The following TUBB1 variants were observed in gnomAD, a reference collection of about 807,000 sequenced individuals.
TUBB1 encodes tubulin beta 1 class VI.
A neutral mutation model predicts 22.6 loss-of-function variants in TUBB1; 28 were observed. The ratio of observed to expected loss-of-function variants is 1.24; its 90% CI spans 0.92 to 1.70. The LOEUF is 1.70. TUBB1 is among the 40% of genes most tolerant of loss of function. The pLI is 0.00. For missense variants in TUBB1, 577 were observed against 605.5 expected, an observed-to-expected ratio of 0.95 and a Z score of 0.49; for synonymous variants, 226 against 238.0, an observed-to-expected ratio of 0.95 and a Z score of 0.46.
intron 1 of TUBB1, among the ~76,000 whole-genome samples, chr20:59,022,253 T>G (rs576877194): frequency 6.7e-6 from 1 of 150,116 alleles, no homozygotes; most frequent in Admixed American, 6.7e-5. Flanking sequence ...GAGAATCGCT[T>G]GAACCCAGGA....
chr20:59,019,197 C>A (rs1356846503), upstream of TUBB1: 3 of 418,620 alleles, frequency 7.2e-6, no homozygotes, highest in East Asian at 1.5e-4. Context: ...GTGCCAGCCT[C>A]CAGGCCCTGT....
chr20:59,019,064 G>C (rs1423846965), upstream of TUBB1, among the ~76,000 whole-genome samples: 6 of 152,238 alleles, frequency 3.9e-5, no homozygotes, highest in Non-Finnish European at 8.8e-5. Context: ...GTCTGGAAAA[G>C]GGGCCGGGAA....
In TUBB1 at chr20:59,024,643, A is replaced by C. The variant is rs749303835; in HGVS notation, c.1216A>C (p.Asn406His). 4.3e-6 allele frequency: 7 copies of C among 1,614,046 alleles called. No individual in the cohort carries two copies. Among genetic ancestry groups the C allele is most frequent in the Non-Finnish European group, 5.9e-6 (7 of 1,180,036 alleles). Reference protein sequence around the residue: ...HWYTSEGMDINEFGEAENNIH... With the variant: ...HWYTSEGMDIHEFGEAENNIH... ...GTACACCAGCGAAGGGATGGACATA[A>C]ACGAATTTGGGGAAGCTGAAAATAA... The change falls in exon 4 of 4, where the codon AAC becomes CAC. Residue 406 changes from asparagine to histidine, a missense_variant. Coordinates refer to ENST00000217133, the MANE Select transcript of TUBB1 (RefSeq NM_030773.4). This position sits in a 1 kb window ranked among gnomAD's most constrained non-coding sequence, Gnocchi z 4.9.
intron 1 of TUBB1, among the ~76,000 whole-genome samples, chr20:59,021,093 A>T (rs1222379223): frequency 6.6e-6 from 1 of 152,220 alleles, no homozygotes; most frequent in East Asian, 1.9e-4. Flanking sequence ...TTACTGCTTG[A>T]AAAGAAGTCA....
rs1213698931 is a variant in TUBB1, at chr20:59,025,128, A to G, written c.*345A>G. 2.7e-6 allele frequency: 1 copy of G among 363,882 alleles called. No individual in the cohort carries two copies. The highest frequency in any genetic ancestry group is 5.3e-6 in the Non-Finnish European group (1 of 189,206). 22.5% of individuals were successfully genotyped at this position (363,882 alleles called of 1,614,324 possible). A position where few individuals can be genotyped will look rare whatever the true frequency, so the allele number is the denominator to read the frequency against. On this transcript the variant is annotated 3_prime_UTR_variant, in exon 4 of 4. Coordinates refer to ENST00000217133, the MANE Select transcript of TUBB1 (RefSeq NM_030773.4). The stretch of plus-strand genomic sequence containing the variant: ...GCAGGGAGCCACTGGAGTTGGTGTT[A>G]CATTTTTATACTTTAGCAGCACTGA...
intron 1 of TUBB1, among the ~76,000 whole-genome samples, chr20:59,022,594 T>C (rs2091972627): frequency 6.6e-6 from 1 of 152,214 alleles, no homozygotes. Context: ...AAATCCAATT[T>C]AGTACTTTGT....
Position 59,024,055 on chromosome 20 carries a change from A to G in TUBB1, c.628A>G (p.Ile210Val), listed in dbSNP as rs2091981012. ...FCIDNEALYDICFRTLKLTTP... is the reference protein window; with the variant it reads ...FCIDNEALYDVCFRTLKLTTP... ...CATTGACAATGAGGCCCTCTATGAC[A>G]TCTGCTTCCGTACCCTGAAGCTGAC... Residue 210 changes from isoleucine (I) to valine (V), a missense_variant, in exon 4 of 4, where the codon ATC becomes GTC. Transcript: ENST00000217133. The surrounding 1 kb of genome is among the most constrained non-coding windows in gnomAD (Gnocchi z 4.9). The G allele has an allele frequency of 1.2e-6, 2 of 1,614,174 alleles. No homozygotes were observed. Among genetic ancestry groups the G allele is most frequent in the Admixed American group, 3.3e-5 (2 of 60,024 alleles).
chr20:59,026,432 A>G lies in TUBB1; in HGVS notation c.*1649A>G, dbSNP rs780814267. 4.6e-5 allele frequency: 7 copies of G among 152,240 alleles called. No homozygotes were observed. The highest frequency in any genetic ancestry group is 1.2e-4 in the African/African-American group (5 of 41,460). The allele number at this position is 152,240 out of a possible 1,614,324, so 9.4% of individuals were successfully genotyped here. On this transcript the variant is annotated 3_prime_UTR_variant, in exon 4 of 4. Coordinates refer to ENST00000217133, the MANE Select transcript of TUBB1 (RefSeq NM_030773.4). ...ACTTACAGCCTGCGATTATACAAGG[A>G]TTTACACATGCTTCCTCTGGTGCTT... is the stretch of plus-strand genomic sequence containing the variant.
rs561233052 is a variant in TUBB1 at position 59,026,449 on chromosome 20, C to T, written c.*1666C>T. 6.6e-6 allele frequency: 1 copy of T among 152,328 alleles called. No individual in the cohort carries two copies. Among genetic ancestry groups the T allele is most frequent in the South Asian group, 2.1e-4 (1 of 4,818 alleles). 9.4% of individuals were successfully genotyped at this position (152,328 alleles called of 1,614,324 possible). On this transcript the variant is annotated 3_prime_UTR_variant, in exon 4 of 4. Transcript: ENST00000217133. ...ATACAAGGATTTACACATGCTTCCT[C>T]TGGTGCTTTACTTCCCAAACCTAAA...
intron 1 of TUBB1, among the ~76,000 whole-genome samples, chr20:59,021,858 G>A (rs542054389): frequency 1.3e-5 from 2 of 152,280 alleles, no homozygotes; most frequent in South Asian, 2.1e-4. Flanking sequence ...AGCTGGGCAT[G>A]GTGGTGGACG....
chr20:59,017,409 TTTC>T (rs1246325614), upstream of TUBB1, among the ~76,000 whole-genome samples: 5 of 152,368 alleles, frequency 3.3e-5, no homozygotes, highest in African/African-American at 9.6e-5. Context: ...GACACAGTGC[TTTC>T]TTCTTCCCCA....
chr20:59,024,153 C>G lies in TUBB1; in HGVS notation c.726C>G (p.Phe242Leu), dbSNP rs890185415. 1.2e-6 allele frequency: 2 copies of G among 1,614,128 alleles called. No homozygotes were observed. Among genetic ancestry groups the G allele is most frequent in the Admixed American group, 1.7e-5 (1 of 60,010 alleles). Residue 242 changes from phenylalanine to leucine, a missense_variant, in exon 4 of 4, where the codon TTC becomes TTG. Transcript: ENST00000217133. The surrounding 1 kb of genome is among the most constrained non-coding windows in gnomAD (Gnocchi z 4.9). Reference protein sequence around the residue: ...TMSGITTSLRFPGQLNADLRK... With the variant: ...TMSGITTSLRLPGQLNADLRK... ...GCGGCATAACCACCTCCCTCCGGTT[C>G]CCGGGTCAGCTCAACGCAGACCTGC...
In TUBB1 at chr20:59,024,123, C is replaced by A; in HGVS notation, c.696C>A (p.Thr232=). 1 of 1,614,216 alleles carries A rather than the reference C, an allele frequency of 6.2e-7. No homozygotes were observed. The highest frequency in any genetic ancestry group is 8.5e-7 in the Non-Finnish European group (1 of 1,180,036). The change falls in exon 4 of 4, where the codon ACC becomes ACA. Residue 232 remains threonine, a synonymous_variant. Transcript: ENST00000217133. The surrounding 1 kb of genome is among the most constrained non-coding windows in gnomAD (Gnocchi z 4.9). ...YGDLNHLVSL[T]MSGITTSLRF... ...ATCTCAACCACCTAGTGTCCTTGAC[C>A]ATGAGCGGCATAACCACCTCCCTCC...
upstream of TUBB1, among the ~76,000 whole-genome samples, chr20:59,018,072 G>C (rs910944831): frequency 6.6e-6 from 1 of 152,240 alleles, no homozygotes; most frequent in Non-Finnish European, 1.5e-5. Flanking sequence ...CCTGCACCTC[G>C]ACAGCTCAAC....
rs754087742 is a variant in TUBB1, at chr20:59,024,822, A to C, written c.*39A>C. On this transcript the variant is annotated 3_prime_UTR_variant, in exon 4 of 4. Transcript: ENST00000217133. The surrounding 1 kb of genome is among the most constrained non-coding windows in gnomAD (Gnocchi z 4.9). ...TGTGCCGCGGAGTCGCTTACAGAAC[A>C]GTTTCTCATTAGATGAGTGTTTCTC... 2 of 1,593,616 alleles carry C rather than the reference A, an allele frequency of 1.3e-6. No individual in the cohort carries two copies. Among genetic ancestry groups the C allele is most frequent in the South Asian group, 2.2e-5 (2 of 90,588 alleles).
chr20:59,024,873 C>T lies in TUBB1; in HGVS notation c.*90C>T. ...CTGCAGCACTCCAAAACCCACTCTG[C>T]ACTGCAGCACAGTGAATGATATGCA... On this transcript the variant is annotated 3_prime_UTR_variant, in exon 4 of 4. Transcript: ENST00000217133. The surrounding 1 kb of genome is among the most constrained non-coding windows in gnomAD (Gnocchi z 4.9). 1 of 1,141,286 alleles carries T rather than the reference C, an allele frequency of 8.8e-7. No homozygotes were observed. Among genetic ancestry groups the T allele is most frequent in the East Asian group, 2.4e-5 (1 of 41,574 alleles). 70.7% of individuals were successfully genotyped at this position (1,141,286 alleles called of 1,614,324 possible). A position where few individuals can be genotyped will look rare whatever the true frequency, so the allele number is the denominator to read the frequency against.
chr20:59,020,781 T>C (rs569997784), intron 1 of TUBB1, among the ~76,000 whole-genome samples: 21 of 152,156 alleles, frequency 1.4e-4, no homozygotes, highest in Non-Finnish European at 2.5e-4. Flanking sequence ...TGCTTAAAAA[T>C]TTCCCCCAAG....
At chr20:59,020,603 CT>C (rs1465830118) in intron 1 of TUBB1, among the ~76,000 whole-genome samples, 4 of 152,070 alleles carry the variant, frequency 2.6e-5, no homozygotes, top group Non-Finnish European at 5.9e-5. Flanking sequence ...TTCCCCTCCC[CT>C]CTCATGTTTA....
Position 59,024,997 on chromosome 20 carries a change from G to A in TUBB1, c.*214G>A, listed in dbSNP as rs113654153. ...GACATCTACTAACCTTGAAGAGTTT[G>A]ATGTTCAGTGCATACTTATTAACTT... On this transcript the variant is annotated 3_prime_UTR_variant, in exon 4 of 4. Coordinates refer to ENST00000217133, the MANE Select transcript of TUBB1 (RefSeq NM_030773.4). The surrounding 1 kb of genome is among the most constrained non-coding windows in gnomAD (Gnocchi z 4.9). 2,616 of 610,726 alleles carry A rather than the reference G, an allele frequency of 4.3e-3. 47 individuals carry two copies. The highest frequency in any genetic ancestry group is 0.043 in the African/African-American group (2,311 of 54,332). 37.8% of individuals were successfully genotyped at this position (610,726 alleles called of 1,614,324 possible).
Sources: gnomAD v4.1 joint callset for allele counts (sites outside exome capture counted in the v4.1 genomes callset) on GRCh38, gnomAD v4.1.1 for gene constraint, Gnocchi (gnomAD v3.1) non-coding constraint, MANE v1.5 for transcripts, NCBI Gene and HGNC (gene_info 2026-07-23, HGNC 2026-07-21) for gene names.